The following CLCN7 variants were observed in gnomAD, a reference collection of about 807,000 sequenced individuals.
The protein encoded by CLCN7 is Cl-/H+ antiporter 7, also known as H(+)/Cl(-) exchange transporter 7.
A neutral mutation model predicts 102.1 loss-of-function variants in CLCN7; 60 were observed. The observed-to-expected ratio is 0.59, with a 90% CI of 0.48 to 0.73. The LOEUF is 0.73. CLCN7 is among the 30% of genes least tolerant of loss of function. The pLI, the probability that CLCN7 is intolerant of heterozygous loss-of-function variation, is 0.00. For missense variants in CLCN7, 962 were observed against 1,125.7 expected, an observed-to-expected ratio of 0.85 and a Z score of 2.08; for synonymous variants, 560 against 490.5, an observed-to-expected ratio of 1.14 and a Z score of -1.87.
In CLCN7 at chr16:1,447,451, G is replaced by A. The variant is rs958814324; in HGVS notation, c.2191C>T (p.Arg731Trp). 16 of 1,552,226 alleles carry A rather than the reference G, an allele frequency of 1.0e-5. No individual in the cohort carries two copies. The highest frequency in any genetic ancestry group is 9.6e-5 in the African/African-American group (7 of 73,146). ...IQSIHVSQDERECTMDLSEFM... is the reference protein window; with the variant it reads ...IQSIHVSQDEWECTMDLSEFM... ...TCGGAGAGGTCCATGGTGCACTCCC[G>A]CTCGTCCTGGGACACGTGGATGGAC... Residue 731 changes from arginine (R) to tryptophan (W), a missense_variant, in exon 23 of 25, where the codon CGG becomes TGG. By Grantham distance (101) the Arg-to-Trp change is moderately radical (BLOSUM62 -3). This residue lies in a region of CLCN7 where 799 missense variants were observed against 988.0 expected (regional missense o/e 0.81). Coordinates refer to ENST00000382745, the MANE Select transcript of CLCN7 (RefSeq NM_001287.6).
chr16:1,449,445 G>A (rs750879237), intron 17 of CLCN7, 118 bp from the exon 18 acceptor site: 11 of 892,584 alleles, frequency 1.2e-5, no homozygotes, highest in Admixed American at 4.0e-5. Flanking sequence ...AACAAACCTC[G>A]TGGCCGCGTA....
intron 1 of CLCN7, among the ~76,000 whole-genome samples, chr16:1,470,336 T>G (rs1444792188): frequency 2.0e-5 from 3 of 152,196 alleles, no homozygotes; most frequent in Non-Finnish European, 4.4e-5. Flanking sequence ...TTACCACAGT[T>G]TTTTTTAAAA....
chr16:1,468,591 C>T (rs145835645), intron 1 of CLCN7, among the ~76,000 whole-genome samples: 11 of 152,264 alleles, frequency 7.2e-5, no homozygotes, highest in South Asian at 4.1e-4. Context: ...TCCCAAGCGC[C>T]GGACACTAAC....
intron 11 of CLCN7, 198 bp from the exon 12 acceptor site, chr16:1,455,448 T>C: frequency 1.5e-6 from 1 of 651,338 alleles, no homozygotes; most frequent in Non-Finnish European, 2.8e-6. Context: ...CTCTCTGGAC[T>C]TGCCAGTGGA....
Position 1,461,327 on chromosome 16 carries a change from G to A in CLCN7, c.351+78C>T, listed in dbSNP as rs554181790. 2.2e-4 allele frequency: 287 copies of A among 1,286,568 alleles called. 1 individual carries two copies. The highest frequency in any genetic ancestry group is 1.8e-3 in the East Asian group (71 of 39,666). The allele number at this position is 1,286,568 out of a possible 1,614,324, so 79.7% of individuals were successfully genotyped here. ...GGGAGGAGGTGCGTCACCTCACCCC[G>A]GCAGAAGAGCAGCCCCAGGCCCGGC... On this transcript the variant is annotated intron_variant, in intron 4 of 24. Transcript: ENST00000382745.
intron 17 of CLCN7, chr16:1,450,084 G>T: frequency 4.6e-6 from 1 of 215,282 alleles, no homozygotes; most frequent in Non-Finnish European, 9.4e-6. Flanking sequence ...GGCAGAGAAG[G>T]AAGGCCTGCG....
At chr16:1,471,303 A>G (rs1462710203) in intron 1 of CLCN7, among the ~76,000 whole-genome samples, 1 of 152,118 alleles carries the variant, frequency 6.6e-6, no homozygotes, top group East Asian at 1.9e-4. Flanking sequence ...AACAAACCCT[A>G]AAGAGCCTGG....
At chr16:1,470,384 G>A (rs1311900433) in intron 1 of CLCN7, among the ~76,000 whole-genome samples, 2 of 152,102 alleles carry the variant, frequency 1.3e-5, no homozygotes, top group East Asian at 1.9e-4. Context: ...TGTTCTGCTC[G>A]GCCTGTGTTG....
intron 1 of CLCN7, 133 bp downstream of exon 1, chr16:1,474,701 G>T: frequency 1.3e-6 from 1 of 768,584 alleles, no homozygotes; most frequent in Non-Finnish European, 1.7e-6. Context: ...GCCCCGGGGC[G>T]CGTTCCCGAG....
intron 7 of CLCN7, among the ~76,000 whole-genome samples, chr16:1,458,846 G>A (rs992799791): frequency 1.3e-5 from 2 of 152,212 alleles, no homozygotes; most frequent in Non-Finnish European, 2.9e-5. Context: ...GCGTCGCACA[G>A]CTGTGTCACA....
intron 1 of CLCN7, among the ~76,000 whole-genome samples, chr16:1,469,327 G>T (rs1033650660): frequency 6.6e-6 from 1 of 152,148 alleles, no homozygotes; most frequent in African/African-American, 2.4e-5. Flanking sequence ...CCTATGAAAC[G>T]AGAAAATATT....
At chr16:1,462,365 CTTTT>C (rs59931924) in intron 2 of CLCN7, among the ~76,000 whole-genome samples, 9 of 80,608 alleles carry the variant, frequency 1.1e-4, no homozygotes, top group East Asian at 4.2e-4. Flanking sequence ...CCTCATCTGT[CTTTT>C]TTTTTTTTTT....
intron 6 of CLCN7, among the ~76,000 whole-genome samples, chr16:1,459,816 G>A (rs576018330): frequency 5.8e-5 from 6 of 103,830 alleles, no homozygotes; most frequent in Non-Finnish European, 1.2e-4. Flanking sequence ...CGGCACACAC[G>A]TCGGGGCCTC....
chr16:1,462,683 A>AAAAAAAAAAAAAAC (rs1471363912), intron 2 of CLCN7, among the ~76,000 whole-genome samples: 10 of 150,954 alleles, frequency 6.6e-5, no homozygotes, highest in African/African-American at 2.5e-4. Context: ...AAAAAAAAAA[A>AAAAAAAAAAAAAAC]AAAACCAGGC....
rs1406133782 is a variant in CLCN7 at position 1,449,044 on chromosome 16, G to A, written c.1719C>T (p.Ala573=). ...GGAAGCCGTAGGTCACGTTGCTGGT[G>A]GCCTCCATCATGATGACGGTCAGGC... ...TLSLTVIMME[A]TSNVTYGFPI... is the part of the protein sequence containing the mutation. Residue 573 remains alanine (A), a synonymous_variant, in exon 19 of 25, where the codon GCC becomes GCT. Transcript: ENST00000382745. 2 of 1,612,854 alleles carry A rather than the reference G, an allele frequency of 1.2e-6. No individual in the cohort carries two copies. Among genetic ancestry groups the A allele is most frequent in the Admixed American group, 1.7e-5 (1 of 60,016 alleles).
rs566427443 is a variant in CLCN7 at position 1,445,057 on chromosome 16, C to T, written c.*1574G>A. ...AGGTTTCCGGCGCCGACTCTGAGGC[C>T]CGGGAGTTTTCTTCTTGCGTCACCC... is the stretch of plus-strand genomic sequence containing the variant. On this transcript the variant is annotated 3_prime_UTR_variant, in exon 25 of 25. Transcript: ENST00000382745. 1 of 152,382 alleles carries T rather than the reference C, an allele frequency of 6.6e-6. No individual in the cohort carries two copies. Among genetic ancestry groups the T allele is most frequent in the Admixed American group, 6.5e-5 (1 of 15,300 alleles). 9.4% of individuals were successfully genotyped at this position (152,382 alleles called of 1,614,324 possible). A position where few individuals can be genotyped will look rare whatever the true frequency, so the allele number is the denominator to read the frequency against.
chr16:1,447,288 C>T, intron 23 of CLCN7, 104 bp downstream of exon 23: 1 of 1,290,454 alleles, frequency 7.7e-7, no homozygotes, highest in Non-Finnish European at 1.1e-6. Flanking sequence ...TCACCGAGTC[C>T]TCTCCGCTGT....
At chr16:1,469,903 G>A (rs998828480) in intron 1 of CLCN7, among the ~76,000 whole-genome samples, 1 of 152,224 alleles carries the variant, frequency 6.6e-6, no homozygotes, top group East Asian at 1.9e-4. Flanking sequence ...CCACCGACCC[G>A]TGCTGCAGCA....
chr16:1,464,227 C>CA (rs1185741240), intron 2 of CLCN7, among the ~76,000 whole-genome samples: 1 of 152,196 alleles, frequency 6.6e-6, no homozygotes, highest in Non-Finnish European at 1.5e-5. Flanking sequence ...ATAAAGACAA[C>CA]AAACCCAGTT....
Sources: gnomAD v4.1 joint callset for allele counts (sites outside exome capture counted in the v4.1 genomes callset) on GRCh38, gnomAD v4.1.1 for gene constraint, gnomAD v4.1.1 regional missense constraint, MANE v1.5 for transcripts, NCBI Gene and HGNC (gene_info 2026-07-23, HGNC 2026-07-21) for gene names.